The following MACROD1 variants were observed in gnomAD, a reference collection of about 807,000 sequenced individuals.
MACROD1 encodes the protein mono-ADP ribosylhydrolase 1, also known as ADP-ribose glycohydrolase MACROD1.
MACROD1 carries 31 observed loss-of-function variants against 41.4 expected under a neutral mutation model. That is an observed-to-expected ratio of 0.75 (90% CI 0.56 to 1.01). The LOEUF is 1.01. Ranked by LOEUF, MACROD1 falls within the 50% of genes least tolerant of loss-of-function variation. The pLI is 0.00. For synonymous variants in MACROD1, 252 were observed against 203.4 expected (o/e 1.24, Z -2.03); for missense variants, 473 against 460.0 (o/e 1.03, Z -0.26).
chr11:64,011,173 TGTTG>T lies in MACROD1; in HGVS notation c.547+4075_547+4078del, dbSNP rs1052274792. On this transcript the variant is annotated intron_variant, in intron 4 of 10. Coordinates refer to ENST00000255681, the MANE Select transcript of MACROD1 (RefSeq NM_014067.4). ...TGGGGTGTTAGGATGCTGGTTGGCATGTTGGTTGGGGTATTTGTTGGGGTGTTGG... is the reference window on the plus strand; with the variant it reads ...TGGGGTGTTAGGATGCTGGTTGGCATGTTGGGGTATTTGTTGGGGTGTTGG... 5.4e-5 allele frequency among the ~76,000 whole-genome samples: 8 copies of T among 148,060 alleles called. No homozygotes were observed. The East Asian group carries it at 1.2e-3, about 22-fold the overall frequency.
Position 64,050,020 on chromosome 11 carries a change from TA to T in MACROD1, c.518-34740del, listed in dbSNP as rs571430736. 9.1e-4 allele frequency among the ~76,000 whole-genome samples: 138 copies of T among 152,280 alleles called. 4 individuals are homozygous for T. The South Asian group carries it at 0.028, about 31-fold the overall frequency. Reference sequence around the variant, plus strand: ...ATATTATAAATAATGCTATTAATATTAATAAGAAATGGCCTGGTAAAGTGAT... The same window carrying T: ...ATATTATAAATAATGCTATTAATATTATAAGAAATGGCCTGGTAAAGTGAT... On this transcript the variant is annotated intron_variant, in intron 3 of 10. Transcript: ENST00000255681.
chr11:64,162,359 T>C lies in MACROD1; in HGVS notation c.298+3338A>G, dbSNP rs187106263. Among the ~76,000 whole-genome samples the C allele has an allele frequency of 2.8e-3, 422 of 151,870 alleles. 4 individuals carry two copies. Among genetic ancestry groups the C allele is most frequent in the Middle Eastern group, 0.017 (5 of 294 alleles). On this transcript the variant is annotated intron_variant, in intron 1 of 10. Transcript: ENST00000255681. The stretch of plus-strand genomic sequence containing the variant: ...TCTCAAAAGAAAAAAAAAAATTAGT[T>C]GCACATGGTGATGCGCGCCTGTACT...
intron 3 of MACROD1, among the ~76,000 whole-genome samples, chr11:64,097,564 C>T (rs1024720141): frequency 6.6e-6 from 1 of 152,254 alleles, no homozygotes; most frequent in Non-Finnish European, 1.5e-5. Flanking sequence ...AAGCCACCCA[C>T]GGCCTGGCTC....
At chr11:64,050,914 C>T (rs370685407) in intron 3 of MACROD1, among the ~76,000 whole-genome samples, 105 of 152,360 alleles carry the variant, frequency 6.9e-4, no homozygotes, top group African/African-American at 2.2e-3. Flanking sequence ...CCACCGCGCC[C>T]GGCCACAGCC....
rs60571265 is a variant in MACROD1, at chr11:64,121,616, T to C, written c.517+29623A>G. Among the ~76,000 whole-genome samples the C allele has an allele frequency of 2.3e-3, 352 of 152,236 alleles. 4 individuals carry two copies. In the East Asian group the frequency reaches 0.057, roughly 25 times the overall value. ...TCCCAGCTGGTCTCATACCACAAGA[T>C]AGGAGATGTTTCAGGACACCCAGCC... On this transcript the variant is annotated intron_variant, in intron 3 of 10. Transcript: ENST00000255681.
intron 3 of MACROD1, among the ~76,000 whole-genome samples, chr11:64,026,160 C>A (rs1013170040): frequency 1.3e-5 from 2 of 152,100 alleles, no homozygotes; most frequent in African/African-American, 2.4e-5. Context: ...CAGCTCTGGG[C>A]AAGAGAGCAA....
chr11:64,026,074 G>A (rs536060944), intron 3 of MACROD1, among the ~76,000 whole-genome samples: 66 of 152,206 alleles, frequency 4.3e-4, no homozygotes, highest in Non-Finnish European at 8.7e-4. Flanking sequence ...CCAGCTACTC[G>A]GGAGGCTAAG....
At chr11:64,063,734 T>C (rs1038094825) in intron 3 of MACROD1, among the ~76,000 whole-genome samples, 1 of 152,136 alleles carries the variant, frequency 6.6e-6, no homozygotes, top group Non-Finnish European at 1.5e-5. Context: ...CCCCCCTCCA[T>C]GGGCAGCCAC....
chr11:64,022,487 G>A (rs983134598), intron 3 of MACROD1, among the ~76,000 whole-genome samples: 3 of 152,180 alleles, frequency 2.0e-5, no homozygotes, highest in African/African-American at 2.4e-5. Context: ...TTAGGGGAGC[G>A]GAGTTTGTTC....
intron 3 of MACROD1, chr11:64,118,017 C>T (rs1590935149): frequency 1.2e-6 from 2 of 1,613,654 alleles, no homozygotes. Context: ...TGGCGAGCTG[C>T]TGACCCGGGA....
intron 4 of MACROD1, among the ~76,000 whole-genome samples, chr11:64,003,847 G>C (rs1196806525): frequency 1.3e-5 from 2 of 152,156 alleles, no homozygotes; most frequent in Non-Finnish European, 2.9e-5. Flanking sequence ...ACATCAGCAC[G>C]TCCCCTTCCA....
At position 64,120,780 on chromosome 11, in the gene MACROD1, C is replaced by T. The variant is rs1453304883; in HGVS notation, c.517+30459G>A. Among the ~76,000 whole-genome samples the T allele has an allele frequency of 1.3e-5, 2 of 152,064 alleles. No individual in the cohort carries two copies. Among genetic ancestry groups the T allele is most frequent in the South Asian group, 2.1e-4 (1 of 4,802 alleles). On this transcript the variant is annotated intron_variant, in intron 3 of 10. Transcript: ENST00000255681. The surrounding 1 kb of genome is among the most constrained non-coding windows in gnomAD (Gnocchi z 4.5). ...GGGATGTCTGGGAGGAGAGCGTGCC[C>T]GAGGTGTGCCACGTTGGCACAGGGG... is the stretch of plus-strand genomic sequence containing the variant.
At chr11:64,160,293 G>A (rs948935645) in intron 1 of MACROD1, among the ~76,000 whole-genome samples, 1 of 152,130 alleles carries the variant, frequency 6.6e-6, no homozygotes, top group Non-Finnish European at 1.5e-5. Context: ...AGGGAGAGGA[G>A]GCTCTGCTCA....
chr11:64,162,552 C>T (rs1945771385), intron 1 of MACROD1, among the ~76,000 whole-genome samples: 1 of 152,024 alleles, frequency 6.6e-6, no homozygotes, highest in African/African-American at 2.4e-5. Flanking sequence ...CAGTGGCTCA[C>T]GACTGTAATC....
intron 3 of MACROD1, among the ~76,000 whole-genome samples, chr11:64,147,252 G>T (rs1460893131): frequency 6.6e-6 from 1 of 151,056 alleles, no homozygotes; most frequent in Non-Finnish European, 1.5e-5. Flanking sequence ...TTTTTTTTTT[G>T]GTAGAGATAG....
chr11:64,066,077 A>G (rs1479956143), intron 3 of MACROD1, among the ~76,000 whole-genome samples: 1 of 151,910 alleles, frequency 6.6e-6, no homozygotes, highest in African/African-American at 2.4e-5. Flanking sequence ...TGGGCGGATC[A>G]CCTGAGGTCA....
intron 3 of MACROD1, among the ~76,000 whole-genome samples, chr11:64,040,221 G>A (rs73498122): frequency 9.8e-4 from 149 of 152,166 alleles, no homozygotes; most frequent in African/African-American, 3.3e-3. Flanking sequence ...CTCTGAAGGC[G>A]CAAAGTGGTG....
intron 3 of MACROD1, among the ~76,000 whole-genome samples, chr11:64,147,754 TA>T (rs1348582021): frequency 1.3e-5 from 2 of 149,090 alleles, no homozygotes; most frequent in African/African-American, 2.5e-5. Flanking sequence ...TATATATATA[TA>T]TATTTTAGAT....
chr11:64,097,199 T>C (rs1379131821), intron 3 of MACROD1, among the ~76,000 whole-genome samples: 1 of 152,162 alleles, frequency 6.6e-6, no homozygotes, highest in Non-Finnish European at 1.5e-5. Flanking sequence ...GAACTGGGCC[T>C]CCAGACCCCC....
Sources: allele counts gnomAD v4.1 joint callset (sites outside exome capture counted in the v4.1 genomes callset), GRCh38; gene constraint gnomAD v4.1.1; non-coding constraint Gnocchi (gnomAD v3.1); transcripts MANE v1.5; gene names NCBI Gene and HGNC (gene_info 2026-07-23, HGNC 2026-07-21).